NEURL1B: variants seen among roughly 807,000 people sequenced by gnomAD.
The protein encoded by NEURL1B is neuralized E3 ubiquitin protein ligase 1B.
A neutral mutation model predicts 37.4 loss-of-function variants in NEURL1B; 13 were observed. The ratio of observed to expected loss-of-function variants is 0.35; its 90% CI spans 0.23 to 0.55. NEURL1B has a LOEUF of 0.55. Among genes scored for constraint, NEURL1B ranks in the 20% least tolerant of loss-of-function variants. The pLI is 0.89. For missense variants in NEURL1B, 790 were observed against 879.2 expected, an observed-to-expected ratio of 0.90 and a Z score of 1.28; for synonymous variants, 432 against 426.6, an observed-to-expected ratio of 1.01 and a Z score of -0.16.
rs1165206871 is a variant in NEURL1B, at chr5:172,686,007, G to T, written c.1298-164G>T. 6.6e-6 allele frequency among the ~76,000 whole-genome samples: 1 copy of T among 152,170 alleles called. No individual in the cohort carries two copies. The highest frequency in any genetic ancestry group is 6.5e-5 in the Admixed American group (1 of 15,268). The stretch of plus-strand genomic sequence containing the variant: ...GAGGCCTGGTAGACAAAGAACAGAG[G>T]CACCACACTGGGATGCACTCTTCAC... On this transcript the variant is annotated intron_variant, in intron 3 of 4. Coordinates refer to ENST00000369800, the MANE Select transcript of NEURL1B (RefSeq NM_001142651.3). The surrounding 1 kb of genome is among the most constrained non-coding windows in gnomAD (Gnocchi z 7.9).
At chr5:172,660,883 G>A (rs1448464493) in intron 1 of NEURL1B, among the ~76,000 whole-genome samples, 9 of 151,966 alleles carry the variant, frequency 5.9e-5, no homozygotes, top group African/African-American at 1.9e-4. Flanking sequence ...TGTCCACCTC[G>A]GCCTTACAAA....
chr5:172,669,731 G>C, intron 1 of NEURL1B, 54 bp from the exon 2 acceptor site: 1 of 1,174,142 alleles, frequency 8.5e-7, no homozygotes, highest in African/African-American at 1.6e-5. Context: ...AGACCAATCG[G>C]GGCCCGCAGG....
rs1052858169 is a variant in NEURL1B, at chr5:172,689,662, A to G, written c.*2737A>G. ...ACAGGAGATGGCAGGGCTGGGATTCAAACCCGGGAGTGTCTGCTGCCACAT... is the reference window on the plus strand; with the variant it reads ...ACAGGAGATGGCAGGGCTGGGATTCGAACCCGGGAGTGTCTGCTGCCACAT... On this transcript the variant is annotated 3_prime_UTR_variant, in exon 5 of 5. Transcript: ENST00000369800. The G allele has an allele frequency of 6.6e-6, 1 of 152,170 alleles. No individual in the cohort carries two copies. Among genetic ancestry groups the G allele is most frequent in the Non-Finnish European group, 1.5e-5 (1 of 68,026 alleles). The allele number at this position is 152,170 out of a possible 1,614,324, so 9.4% of individuals were successfully genotyped here.
At chr5:172,679,108 C>T (rs1038977472) in intron 2 of NEURL1B, among the ~76,000 whole-genome samples, 9 of 152,234 alleles carry the variant, frequency 5.9e-5, no homozygotes, top group East Asian at 3.8e-4. Context: ...CAACTTTGGC[C>T]GGAGGCCAAG....
At position 172,683,494 on chromosome 5, in the gene NEURL1B, G is replaced by T. The variant is rs766567999; in HGVS notation, c.653G>T (p.Ser218Ile). Residue 218 changes from serine to isoleucine, a missense_variant, in exon 3 of 5, where the codon AGC (serine) becomes ATC (isoleucine). Around this residue, in one of 3 missense-constraint regions of NEURL1B, gnomAD observed 460 missense variants for 407.4 expected, o/e 1.13. Coordinates refer to ENST00000369800, the MANE Select transcript of NEURL1B (RefSeq NM_001142651.3). The surrounding 1 kb of genome is among the most constrained non-coding windows in gnomAD (Gnocchi z 5.6). ...ARFSACLPPS[S>I]HDAANFDNNE... ...TTCAGCGCCTGCCTGCCGCCCAGCA[G>T]CCACGACGCGGCCAACTTCGACAAC... is the stretch of plus-strand genomic sequence containing the variant. The T allele has an allele frequency of 1.3e-6, 2 of 1,501,768 alleles. No homozygotes were observed. Among genetic ancestry groups the T allele is most frequent in the Non-Finnish European group, 1.8e-6 (2 of 1,130,654 alleles). The allele number at this position is 1,501,768 out of a possible 1,614,324, so 93.0% of individuals were successfully genotyped here.
intron 2 of NEURL1B, among the ~76,000 whole-genome samples, chr5:172,680,420 G>A (rs954937411): frequency 4.8e-5 from 6 of 125,372 alleles, no homozygotes; most frequent in Non-Finnish European, 7.5e-5. Flanking sequence ...GAGAGTTGGC[G>A]GGGGGGAAGG....
chr5:172,646,352 C>A (rs1757559757), intron 1 of NEURL1B, among the ~76,000 whole-genome samples: 1 of 152,176 alleles, frequency 6.6e-6, no homozygotes, highest in Admixed American at 6.5e-5. Flanking sequence ...GGATGGTAGC[C>A]ATCATGGTTC....
In NEURL1B at chr5:172,676,153, GAAA is replaced by G. The variant is rs201530945; in HGVS notation, c.577+5836_577+5838del. Among the ~76,000 whole-genome samples, 3 of 131,452 alleles carry G rather than the reference GAAA, an allele frequency of 2.3e-5. No individual in the cohort carries two copies. The highest frequency in any genetic ancestry group is 2.8e-5 in the African/African-American group (1 of 35,550). 86.2% of individuals were successfully genotyped at this position (131,452 alleles called of 152,430 possible). A position where few individuals can be genotyped will look rare whatever the true frequency, so the allele number is the denominator to read the frequency against. ...GAAACTCAGTTCAGTCTCACTTAAGGAAAAAAAAAAAAAAAGAGGAAGCATTAA... is the reference window on the plus strand; with the variant it reads ...GAAACTCAGTTCAGTCTCACTTAAGGAAAAAAAAAAAAGAGGAAGCATTAA... On this transcript the variant is annotated intron_variant, in intron 2 of 4. Transcript: ENST00000369800. This position sits in a 1 kb window ranked among gnomAD's most constrained non-coding sequence, Gnocchi z 4.5.
intron 1 of NEURL1B, among the ~76,000 whole-genome samples, chr5:172,643,104 C>G (rs766553501): frequency 1.1e-4 from 16 of 152,164 alleles, no homozygotes; most frequent in African/African-American, 3.9e-4. Flanking sequence ...ATTCTCCATC[C>G]CTCTCAACTC....
intron 2 of NEURL1B, among the ~76,000 whole-genome samples, chr5:172,679,522 T>C (rs893926168): frequency 2.6e-5 from 4 of 152,208 alleles, no homozygotes; most frequent in African/African-American, 9.6e-5. Flanking sequence ...AAATGCCCCT[T>C]TGAGCAATGC....
rs768690339 is a variant in NEURL1B at position 172,657,166 on chromosome 5, T to G, written c.32-12619T>G. On this transcript the variant is annotated intron_variant, in intron 1 of 4. Coordinates refer to ENST00000369800, the MANE Select transcript of NEURL1B (RefSeq NM_001142651.3). This position sits in a 1 kb window ranked among gnomAD's most constrained non-coding sequence, Gnocchi z 4.0. Reference sequence around the variant, plus strand: ...TCGAATCCTCACCGTGCTGTTTATCTGCCTCATGAACTTGTGCCAGCCCCT... The same window carrying G: ...TCGAATCCTCACCGTGCTGTTTATCGGCCTCATGAACTTGTGCCAGCCCCT... Among the ~76,000 whole-genome samples the G allele has an allele frequency of 1.3e-5, 2 of 152,206 alleles. No homozygotes were observed. The highest frequency in any genetic ancestry group is 2.9e-5 in the Non-Finnish European group (2 of 68,024).
intron 2 of NEURL1B, among the ~76,000 whole-genome samples, chr5:172,671,474 C>T (rs1048303872): frequency 6.6e-6 from 1 of 152,218 alleles, no homozygotes; most frequent in Admixed American, 6.5e-5. Flanking sequence ...CTTCTCTTCT[C>T]CAGAGGTAGC....
At chr5:172,649,175 G>C (rs1581419352) in intron 1 of NEURL1B, among the ~76,000 whole-genome samples, 2 of 152,214 alleles carry the variant, frequency 1.3e-5, no homozygotes, top group East Asian at 1.9e-4. Context: ...CCTGTCACTG[G>C]AGTACACAGG....
At chr5:172,651,978 T>G (rs1466937491) in intron 1 of NEURL1B, among the ~76,000 whole-genome samples, 2 of 152,214 alleles carry the variant, frequency 1.3e-5, no homozygotes, top group East Asian at 3.8e-4. Flanking sequence ...CTCCAGTTAT[T>G]CGGCGGAGTG....
rs906295298 is a variant in NEURL1B at position 172,660,765 on chromosome 5, A to C, written c.32-9020A>C. On this transcript the variant is annotated intron_variant, in intron 1 of 4. Transcript: ENST00000369800. Reference sequence around the variant, plus strand: ...AAGTGATTCTCCTGCCTCAGCCTCCAAGTAGCTGGGATTACAGATGCCCGC... The same window carrying C: ...AAGTGATTCTCCTGCCTCAGCCTCCCAGTAGCTGGGATTACAGATGCCCGC... 3.9e-5 allele frequency among the ~76,000 whole-genome samples: 6 copies of C among 152,152 alleles called. No individual in the cohort carries two copies. In the East Asian group the frequency reaches 1.2e-3, roughly 29 times the overall value.
rs1267925453 is a variant in NEURL1B, at chr5:172,689,556, A to T, written c.*2631A>T. On this transcript the variant is annotated 3_prime_UTR_variant, in exon 5 of 5. Coordinates refer to ENST00000369800, the MANE Select transcript of NEURL1B (RefSeq NM_001142651.3). ...GTGAAAAAAAAACTGTGCTACTTAC[A>T]ATCTATGAAAGCTGGTGTTATCCCA... is the stretch of plus-strand genomic sequence containing the variant. 6.6e-6 allele frequency: 1 copy of T among 152,168 alleles called. No individual in the cohort carries two copies. Among genetic ancestry groups the T allele is most frequent in the African/African-American group, 2.4e-5 (1 of 41,414 alleles). The allele number at this position is 152,168 out of a possible 1,614,324, so 9.4% of individuals were successfully genotyped here.
At chr5:172,681,217 T>C (rs575587845) in intron 2 of NEURL1B, among the ~76,000 whole-genome samples, 8 of 152,120 alleles carry the variant, frequency 5.3e-5, no homozygotes, top group Non-Finnish European at 1.2e-4. Context: ...GAGATTTGGG[T>C]GGACACAAAT....
At position 172,691,511 on chromosome 5, in the gene NEURL1B, A is replaced by G. The variant is rs1467941365; in HGVS notation, c.*4586A>G. The G allele has an allele frequency of 6.6e-6, 1 of 150,562 alleles. No homozygotes were observed. The highest frequency in any genetic ancestry group is 1.9e-4 in the East Asian group (1 of 5,176). The allele number at this position is 150,562 out of a possible 1,614,324, so 9.3% of individuals were successfully genotyped here. Reference sequence around the variant, plus strand: ...TGACATAATTTTCCTGTTTAAAAAAATACAACTTTGGCTTGTTAAAAAAAA... The same window carrying G: ...TGACATAATTTTCCTGTTTAAAAAAGTACAACTTTGGCTTGTTAAAAAAAA... On this transcript the variant is annotated 3_prime_UTR_variant, in exon 5 of 5. Coordinates refer to ENST00000369800, the MANE Select transcript of NEURL1B (RefSeq NM_001142651.3).
Position 172,686,367 on chromosome 5 carries a change from C to A in NEURL1B, c.1423+71C>A. 6.7e-7 allele frequency: 1 copy of A among 1,496,280 alleles called. No homozygotes were observed. Among genetic ancestry groups the A allele is most frequent in the Non-Finnish European group, 9.1e-7 (1 of 1,104,026 alleles). 92.7% of individuals were successfully genotyped at this position (1,496,280 alleles called of 1,614,324 possible). ...CTGGCTCCTCCGGCTGTGCCAGTGGCCTTCCAGGGACTGAGCAGGGTGGCC... is the reference window on the plus strand; with the variant it reads ...CTGGCTCCTCCGGCTGTGCCAGTGGACTTCCAGGGACTGAGCAGGGTGGCC... On this transcript the variant is annotated intron_variant, in intron 4 of 4. Coordinates refer to ENST00000369800, the MANE Select transcript of NEURL1B (RefSeq NM_001142651.3). The surrounding 1 kb of genome is among the most constrained non-coding windows in gnomAD (Gnocchi z 7.9).
Sources: gnomAD v4.1 joint callset for allele counts (sites outside exome capture counted in the v4.1 genomes callset) on GRCh38, gnomAD v4.1.1 for gene constraint, gnomAD v4.1.1 regional missense constraint, Gnocchi (gnomAD v3.1) non-coding constraint, MANE v1.5 for transcripts, NCBI Gene and HGNC (gene_info 2026-07-23, HGNC 2026-07-21) for gene names.